The following SSBP2 variants were observed in gnomAD, a reference collection of about 807,000 sequenced individuals.
The protein encoded by SSBP2 is single stranded DNA binding protein 2, also known as single-stranded DNA-binding protein 2.
In SSBP2, 17 loss-of-function variants were observed where a neutral mutation model predicts 61.8. That is an observed-to-expected ratio of 0.28 (90% confidence interval 0.19 to 0.41). SSBP2 has a LOEUF of 0.41. Among genes scored for constraint, SSBP2 ranks in the 10% least tolerant of loss-of-function variants. The probability of loss-of-function intolerance (pLI) is 1.00; values close to 1 mark genes in which losing one functional copy is unlikely to be tolerated. For synonymous variants in SSBP2, 139 were observed against 141.3 expected (o/e 0.98, Z 0.12); for missense variants, 310 against 458.7 (o/e 0.68, Z 2.96).
intron 1 of SSBP2, among the ~76,000 whole-genome samples, chr5:81,734,794 ACT>A (rs1472470269): frequency 2.0e-5 from 3 of 151,896 alleles, no homozygotes; most frequent in Non-Finnish European, 4.4e-5. Flanking sequence ...ACACGGTGAA[ACT>A]CTGTCTCTAC....
chr5:81,500,305 C>T (rs1034265266), intron 5 of SSBP2, among the ~76,000 whole-genome samples: 3 of 152,074 alleles, frequency 2.0e-5, no homozygotes, highest in African/African-American at 7.2e-5. Flanking sequence ...CCTCCGCCTC[C>T]CGGGTTCAAG....
chr5:81,682,686 A>ATTT (rs1393516575), intron 1 of SSBP2, among the ~76,000 whole-genome samples: 3 of 152,148 alleles, frequency 2.0e-5, no homozygotes, highest in Admixed American at 6.5e-5. Flanking sequence ...TAAAACACAA[A>ATTT]TAGGAAATAA....
At chr5:81,630,264 G>T (rs1006671266) in intron 3 of SSBP2, among the ~76,000 whole-genome samples, 1 of 152,126 alleles carries the variant, frequency 6.6e-6, no homozygotes, top group Non-Finnish European at 1.5e-5. Flanking sequence ...CTAACCTAGG[G>T]CACAGATTAT....
At chr5:81,559,812 C>CA (rs1457695946) in intron 4 of SSBP2, among the ~76,000 whole-genome samples, 3 of 151,350 alleles carry the variant, frequency 2.0e-5, no homozygotes, top group Non-Finnish European at 3.0e-5. Flanking sequence ...TCTTAAACGT[C>CA]AAAAAAACTA....
At position 81,681,782 on chromosome 5, in the gene SSBP2, G is replaced by C. The variant is rs1414268199; in HGVS notation, c.63-31443C>G. Among the ~76,000 whole-genome samples the C allele has an allele frequency of 4.6e-5, 7 of 152,000 alleles. No individual in the cohort carries two copies. In the East Asian group the frequency reaches 1.2e-3, roughly 25 times the overall value. ...ACAGAGAAAATCAACAAAGCCAAAG[G>C]CTGGTTGTTTGAAAAGATAAATAAA... On this transcript the variant is annotated intron_variant, in intron 1 of 16. Transcript: ENST00000320672.
At chr5:81,472,557 T>C (rs914903208) in intron 8 of SSBP2, among the ~76,000 whole-genome samples, 1 of 152,194 alleles carries the variant, frequency 6.6e-6, no homozygotes, top group Non-Finnish European at 1.5e-5. Flanking sequence ...ATATATTTTA[T>C]ACTTACTCTT....
intron 1 of SSBP2, among the ~76,000 whole-genome samples, chr5:81,664,002 T>C (rs1750908417): frequency 6.6e-6 from 1 of 152,204 alleles, no homozygotes; most frequent in South Asian, 2.1e-4. Flanking sequence ...GAAGAGACAG[T>C]AAAATAACAG....
chr5:81,594,260 G>A (rs1177305779), intron 4 of SSBP2, among the ~76,000 whole-genome samples: 5 of 152,104 alleles, frequency 3.3e-5, no homozygotes, highest in Non-Finnish European at 7.4e-5. Flanking sequence ...ATTACATAAT[G>A]GTAAAGGGAT....
intron 1 of SSBP2, among the ~76,000 whole-genome samples, chr5:81,667,494 T>C (rs1406974344): frequency 6.6e-6 from 1 of 152,034 alleles, no homozygotes; most frequent in Non-Finnish European, 1.5e-5. Context: ...GCTAACTTAG[T>C]CCTAAAGTAA....
chr5:81,742,676 G>A (rs1581462337), intron 1 of SSBP2, among the ~76,000 whole-genome samples: 2 of 152,000 alleles, frequency 1.3e-5, no homozygotes, highest in South Asian at 4.1e-4. Flanking sequence ...AGGAGTTCGC[G>A]CCCAGCCTGG....
At chr5:81,684,683 A>C (rs1201905081) in intron 1 of SSBP2, among the ~76,000 whole-genome samples, 1 of 152,068 alleles carries the variant, frequency 6.6e-6, no homozygotes, top group Non-Finnish European at 1.5e-5. Context: ...AGGAGCATTT[A>C]CCCGATGCTT....
At chr5:81,611,705 T>C (rs1745462638) in intron 4 of SSBP2, among the ~76,000 whole-genome samples, 2 of 152,122 alleles carry the variant, frequency 1.3e-5, no homozygotes, top group Non-Finnish European at 2.9e-5. Context: ...TTTAAAAATA[T>C]TTCAGTGAGA....
intron 16 of SSBP2, among the ~76,000 whole-genome samples, chr5:81,424,836 T>G (rs756589301): frequency 5.3e-5 from 8 of 152,228 alleles, no homozygotes; most frequent in Non-Finnish European, 1.2e-4. Flanking sequence ...CATAAAATAT[T>G]CATGGTGTAC....
At chr5:81,522,158 C>T (rs767147110) in intron 4 of SSBP2, among the ~76,000 whole-genome samples, 2 of 151,858 alleles carry the variant, frequency 1.3e-5, no homozygotes, top group Non-Finnish European at 2.9e-5. Context: ...TAATATAATG[C>T]GTAAATTGCA....
At chr5:81,545,582 CT>C (rs1380702305) in intron 4 of SSBP2, among the ~76,000 whole-genome samples, 1 of 152,154 alleles carries the variant, frequency 6.6e-6, no homozygotes, top group Non-Finnish European at 1.5e-5. Context: ...TACACAACAA[CT>C]GAGATTCATG....
At chr5:81,542,979 C>T (rs1348198285) in intron 4 of SSBP2, among the ~76,000 whole-genome samples, 3 of 151,992 alleles carry the variant, frequency 2.0e-5, no homozygotes, top group South Asian at 2.1e-4. Flanking sequence ...TTCAGCCTCC[C>T]GAGTAGCTGG....
intron 3 of SSBP2, among the ~76,000 whole-genome samples, chr5:81,620,301 A>C (rs1746448424): frequency 1.2e-5 from 1 of 80,706 alleles, no homozygotes; most frequent in African/African-American, 5.1e-5. Flanking sequence ...GCATTCTTAT[A>C]CACCAACAAC....
At chr5:81,499,272 T>C (rs975333421) in intron 5 of SSBP2, among the ~76,000 whole-genome samples, 4 of 152,206 alleles carry the variant, frequency 2.6e-5, no homozygotes, top group Non-Finnish European at 5.9e-5. Context: ...GTTTCCTTGA[T>C]GCTATTTTGG....
At chr5:81,495,603 G>A (rs932951754) in intron 5 of SSBP2, among the ~76,000 whole-genome samples, 1 of 152,098 alleles carries the variant, frequency 6.6e-6, no homozygotes, top group East Asian at 1.9e-4. Context: ...AACATACTCC[G>A]ATATGAAGGA....
Sources: allele counts gnomAD v4.1 joint callset (sites outside exome capture counted in the v4.1 genomes callset), GRCh38; gene constraint gnomAD v4.1.1; transcripts MANE v1.5; gene names NCBI Gene and HGNC (gene_info 2026-07-23, HGNC 2026-07-21).